Variants in NFIA observed in about 807,000 individuals in gnomAD.
NFIA encodes nuclear factor I A, also known as nuclear factor 1 A-type.
Under a neutral mutation model 62.8 loss-of-function variants are expected in NFIA, and 8 were observed. The observed-to-expected ratio is 0.13, with a 90% confidence interval of 0.07 to 0.23. NFIA has a LOEUF of 0.23. Ranked by LOEUF, NFIA falls within the 10% of genes least tolerant of loss-of-function variation. NFIA has a pLI of 1.00. For missense variants in NFIA, 410 were observed against 642.1 expected, an observed-to-expected ratio of 0.64 and a Z score of 3.91; for synonymous variants, 235 against 238.1, an observed-to-expected ratio of 0.99 and a Z score of 0.12.
intron 3 of NFIA, among the ~76,000 whole-genome samples, chr1:61,317,150 G>A (rs190668071): frequency 5.2e-4 from 79 of 152,006 alleles, no homozygotes; most frequent in African/African-American, 1.9e-3. Flanking sequence ...GGAATTTTCA[G>A]CAAACGAAAG....
intron 1 of NFIA, 63 bp downstream of exon 1, chr1:61,082,881 G>T: frequency 6.7e-7 from 1 of 1,492,582 alleles, no homozygotes; most frequent in South Asian, 1.3e-5. Flanking sequence ...GGCTGGGGCT[G>T]GGTGGGGGGC....
At chr1:61,330,461 G>A (rs1371249976) in intron 3 of NFIA, among the ~76,000 whole-genome samples, 23 of 109,792 alleles carry the variant, frequency 2.1e-4, no homozygotes, top group Middle Eastern at 5.4e-3. Context: ...ACACACACAC[G>A]CACACATCTG....
intron 6 of NFIA, among the ~76,000 whole-genome samples, chr1:61,367,412 T>C (rs1663647786): frequency 6.6e-6 from 1 of 152,214 alleles, no homozygotes; most frequent in Non-Finnish European, 1.5e-5. Flanking sequence ...TAGTCACTGC[T>C]ACAGAACATT....
At chr1:61,272,776 C>T (rs1305617163) in intron 2 of NFIA, among the ~76,000 whole-genome samples, 1 of 152,180 alleles carries the variant, frequency 6.6e-6, no homozygotes, top group African/African-American at 2.4e-5. Context: ...GTATTCACTC[C>T]TGTCTTTGCC....
intron 9 of NFIA, among the ~76,000 whole-genome samples, chr1:61,411,250 T>G (rs1666084979): frequency 1.3e-5 from 2 of 151,468 alleles, no homozygotes; most frequent in African/African-American, 4.9e-5. Flanking sequence ...AAGGCAGATG[T>G]GGGGGAAAAA....
chr1:61,161,053 T>G (rs576385871), intron 2 of NFIA, among the ~76,000 whole-genome samples: 165 of 152,262 alleles, frequency 1.1e-3, no homozygotes, highest in African/African-American at 3.9e-3. Flanking sequence ...TAGCAGCGAT[T>G]ACAGGCACTC....
chr1:61,205,901 C>CTTTTTTTTT (rs199804398), intron 2 of NFIA, among the ~76,000 whole-genome samples: 4 of 122,506 alleles, frequency 3.3e-5, no homozygotes, highest in African/African-American at 6.3e-5. Context: ...TTTTGCAGCC[C>CTTTTTTTTT]TTTTTTTTTT....
chr1:61,352,748 A>T (rs1183461608), intron 5 of NFIA, among the ~76,000 whole-genome samples, 181 bp downstream of exon 5: 2 of 108,966 alleles, frequency 1.8e-5, no homozygotes, highest in African/African-American at 7.3e-5. Context: ...GCATGTGGCA[A>T]GATTAAATAC....
chr1:61,149,426 A>T (rs192794894), intron 2 of NFIA, among the ~76,000 whole-genome samples: 2 of 152,208 alleles, frequency 1.3e-5, no homozygotes, highest in East Asian at 1.9e-4. Context: ...GCTAAGACTG[A>T]CTCATCTTGT....
chr1:61,200,936 A>C (rs1246863144), intron 2 of NFIA, among the ~76,000 whole-genome samples: 1 of 152,220 alleles, frequency 6.6e-6, no homozygotes, highest in East Asian at 1.9e-4. Context: ...AAATTCTGTC[A>C]TCTATAATCT....
At chr1:61,131,682 C>T (rs1647082456) in intron 2 of NFIA, among the ~76,000 whole-genome samples, 1 of 152,044 alleles carries the variant, frequency 6.6e-6, no homozygotes, top group Non-Finnish European at 1.5e-5. Flanking sequence ...CACTTGGACT[C>T]TCAAACCATG....
At chr1:61,079,196 C>G (rs2100396616), upstream of NFIA, among the ~76,000 whole-genome samples, 1 of 152,058 alleles carries the variant, frequency 6.6e-6, no homozygotes, top group Non-Finnish European at 1.5e-5. Flanking sequence ...GGTCAAAAAC[C>G]AGAGAAGAAA....
intron 2 of NFIA, among the ~76,000 whole-genome samples, chr1:61,131,970 C>T (rs925760017): frequency 1.3e-5 from 2 of 152,164 alleles, no homozygotes; most frequent in Admixed American, 1.3e-4. Flanking sequence ...ACTTTGGTGA[C>T]TTGTTCCTAC....
chr1:61,236,841 AC>A (rs1296749654), intron 2 of NFIA, among the ~76,000 whole-genome samples: 1 of 152,178 alleles, frequency 6.6e-6, no homozygotes, highest in Non-Finnish European at 1.5e-5. Context: ...TTTGCTTGTC[AC>A]CAGTGAGAAT....
chr1:61,360,573 G>A (rs1663235015), intron 6 of NFIA, among the ~76,000 whole-genome samples: 1 of 152,186 alleles, frequency 6.6e-6, no homozygotes, highest in Non-Finnish European at 1.5e-5. Flanking sequence ...GTACAGACGA[G>A]CACCAAGAAA....
intron 2 of NFIA, among the ~76,000 whole-genome samples, chr1:61,242,131 A>G (rs1193725282): frequency 6.6e-6 from 1 of 152,220 alleles, no homozygotes; most frequent in East Asian, 1.9e-4. Context: ...AAATAAAATC[A>G]TAAGGGTGAA....
At chr1:61,126,462 A>ACTCACACACACACACT (rs1553153078) in intron 2 of NFIA, among the ~76,000 whole-genome samples, 4 of 145,820 alleles carry the variant, frequency 2.7e-5, no homozygotes, top group Non-Finnish European at 6.0e-5. Flanking sequence ...ACACACACAC[A>ACTCACACACACACACT]CACACACACA....
intron 3 of NFIA, among the ~76,000 whole-genome samples, chr1:61,326,959 A>G (rs1450644252): frequency 1.3e-5 from 2 of 151,920 alleles, no homozygotes; most frequent in African/African-American, 2.4e-5. Flanking sequence ...GTCCCATGCC[A>G]TGGAAAGGAG....
intron 3 of NFIA, 131 bp downstream of exon 3, chr1:61,277,716 A>T (rs964667585): frequency 1.7e-4 from 137 of 822,658 alleles, no homozygotes; most frequent in Admixed American, 6.7e-4. Context: ...GACTCGGAAA[A>T]ACTCAAGTAG....
Sources: allele counts gnomAD v4.1 joint callset (sites outside exome capture counted in the v4.1 genomes callset), GRCh38; gene constraint gnomAD v4.1.1; transcripts MANE v1.5; gene names NCBI Gene and HGNC (gene_info 2026-07-23, HGNC 2026-07-21).